CUX1: variants seen among roughly 807,000 people sequenced by gnomAD.
The protein encoded by CUX1 is protein CASP.
CUX1 carries 31 observed loss-of-function variants against 158.8 expected under a neutral mutation model. The observed-to-expected ratio is 0.20, with a 90% CI of 0.15 to 0.26. The LOEUF (loss-of-function observed/expected upper bound fraction) is 0.26. CUX1 is among the 10% of genes least tolerant of loss of function. CUX1 has a pLI of 1.00. For missense variants in CUX1, 1,589 were observed against 2,014.6 expected, an observed-to-expected ratio of 0.79 and a Z score of 4.04; for synonymous variants, 879 against 862.1, an observed-to-expected ratio of 1.02 and a Z score of -0.34.
intron 2 of CUX1, among the ~76,000 whole-genome samples, chr7:101,939,208 GC>G (rs1031300968): frequency 6.7e-6 from 1 of 148,254 alleles, no homozygotes; most frequent in African/African-American, 2.5e-5. Flanking sequence ...TCTGTTTTTT[GC>G]TGGCATCATT....
chr7:102,025,923 T>C (rs564517022), intron 2 of CUX1, among the ~76,000 whole-genome samples: 19 of 151,940 alleles, frequency 1.3e-4, no homozygotes, highest in Non-Finnish European at 1.3e-4. Context: ...ACACCTGTAA[T>C]CCTAGCACTG....
At chr7:102,237,339 C>T (rs1210526835) in intron 22 of CUX1, among the ~76,000 whole-genome samples, 1 of 151,940 alleles carries the variant, frequency 6.6e-6, no homozygotes, top group South Asian at 2.1e-4. Flanking sequence ...GTGATCCTCC[C>T]GTCCCAGCTA....
chr7:101,917,519 G>A (rs1253088749), intron 2 of CUX1, among the ~76,000 whole-genome samples: 2 of 152,110 alleles, frequency 1.3e-5, no homozygotes, highest in Non-Finnish European at 2.9e-5. Flanking sequence ...GGTGCTTGGG[G>A]GTTTCTGCCT....
chr7:102,171,573 G>A (rs1282202952), intron 10 of CUX1, among the ~76,000 whole-genome samples: 3 of 151,050 alleles, frequency 2.0e-5, no homozygotes, highest in South Asian at 2.1e-4. Flanking sequence ...TCAACCTCCC[G>A]AGTAGCTGGG....
At chr7:101,874,504 GC>G (rs1798909390) in intron 1 of CUX1, among the ~76,000 whole-genome samples, 1 of 152,208 alleles carries the variant, frequency 6.6e-6, no homozygotes, top group Non-Finnish European at 1.5e-5. Context: ...ATGGCGCATC[GC>G]CTTGGTGCCA....
At chr7:102,143,663 AT>A (rs1480785997) in intron 8 of CUX1, among the ~76,000 whole-genome samples, 1 of 152,070 alleles carries the variant, frequency 6.6e-6, no homozygotes, top group Admixed American at 6.6e-5. Flanking sequence ...CTTTGTATAC[AT>A]TTTTTTCCCC....
intron 9 of CUX1, among the ~76,000 whole-genome samples, chr7:102,167,698 G>A (rs1407776788): frequency 3.3e-5 from 5 of 152,194 alleles, no homozygotes; most frequent in East Asian, 1.9e-4. Context: ...GTGATTTGAC[G>A]TGATCATCAG....
At chr7:102,245,972 C>G (rs1346183742) in intron 23 of CUX1, among the ~76,000 whole-genome samples, 1 of 113,660 alleles carries the variant, frequency 8.8e-6, no homozygotes, top group African/African-American at 3.2e-5. Flanking sequence ...ACTCCCTTCT[C>G]AAAAAAAAAA....
At position 102,074,107 on chromosome 7, in the gene CUX1, G is replaced by A. The variant is rs374464594; in HGVS notation, c.268+3690G>A. ...TGGCTGAGGCTTACAGGAAGGGCCC[G>A]GTCAATAGTGATGATGCATTTACTG... On this transcript the variant is annotated intron_variant, in intron 4 of 23. Coordinates refer to ENST00000292535, the MANE Select transcript of CUX1 (RefSeq NM_181552.4). Among the ~76,000 whole-genome samples, 49 of 152,274 alleles carry A rather than the reference G, an allele frequency of 3.2e-4. No homozygotes were observed. The South Asian group carries it at 5.2e-3, about 16-fold the overall frequency.
intron 1 of CUX1, among the ~76,000 whole-genome samples, chr7:101,883,429 A>G (rs1799914261): frequency 6.6e-6 from 1 of 152,156 alleles, no homozygotes; most frequent in Non-Finnish European, 1.5e-5. Context: ...TTTAGTTCCT[A>G]AAGCTATTGC....
rs1320387840 is a variant in CUX1, at chr7:102,239,478, C to T, written c.3781C>T (p.Arg1261Ter). 1.9e-6 allele frequency: 3 copies of T among 1,614,034 alleles called. No homozygotes were observed. Among genetic ancestry groups the T allele is most frequent in the Non-Finnish European group, 2.5e-6 (3 of 1,180,002 alleles). ...LAPEEKEALK[R>*]AYQQKPYPSP... ...TCCGGAGGAGAAGGAGGCGCTGAAA[C>T]GAGCGTATCAGCAAAAGCCATACCC... The change falls in exon 23 of 24, where the codon CGA becomes TGA. Residue 1261 changes from arginine to a stop codon, truncating the protein, a stop_gained. Transcript: ENST00000292535. LOFTEE classifies it high-confidence loss of function.
chr7:102,030,715 T>G, intron 3 of CUX1, among the ~76,000 whole-genome samples: 1 of 89,144 alleles, frequency 1.1e-5, no homozygotes, highest in South Asian at 4.6e-4. Flanking sequence ...AGACAGGGTC[T>G]CGCTCGGTAA....
rs367840062 is a variant in CUX1 at position 102,202,065 on chromosome 7, C to G, written c.2768C>G (p.Thr923Ser). ...CCGATCGTGCCCATGTCCAAGCCCA[C>G]CAAGCCCTCGGTCCCCCCGCTGACC... is the stretch of plus-strand genomic sequence containing the variant. Reference protein sequence around the residue: ...SSPIVPMSKPTKPSVPPLTPE... With the variant: ...SSPIVPMSKPSKPSVPPLTPE... The change falls in exon 18 of 24, where the codon ACC (threonine) becomes AGC (serine). Residue 923 changes from threonine (T) to serine (S), a missense_variant. Coordinates refer to ENST00000292535, the MANE Select transcript of CUX1 (RefSeq NM_181552.4). 9.3e-6 allele frequency: 15 copies of G among 1,614,054 alleles called. No homozygotes were observed. The highest frequency in any genetic ancestry group is 8.9e-5 in the East Asian group (4 of 44,892).
At chr7:102,047,017 G>A (rs1822901873) in intron 3 of CUX1, among the ~76,000 whole-genome samples, 1 of 152,184 alleles carries the variant, frequency 6.6e-6, no homozygotes, top group Non-Finnish European at 1.5e-5. Flanking sequence ...TGACAGGGCT[G>A]TAACCCTGTC....
At chr7:101,944,883 A>G (rs1040568684) in intron 2 of CUX1, among the ~76,000 whole-genome samples, 1 of 152,140 alleles carries the variant, frequency 6.6e-6, no homozygotes, top group African/African-American at 2.4e-5. Flanking sequence ...TGCCGGGTTG[A>G]CCCCACTTGG....
At chr7:102,030,689 G>GTGTTTTTTTTTTTTTGTTTTTGTTTTT (rs1554459461) in intron 3 of CUX1, among the ~76,000 whole-genome samples, 11 of 82,538 alleles carry the variant, frequency 1.3e-4, no homozygotes, top group Non-Finnish European at 2.1e-4. Flanking sequence ...ATTTTAAAAA[G>GTGTTTTTTTTTTTTTGTTTTTGTTTTT]TGTTTTTTTT....
chr7:101,846,018 A>AG (rs1436726096), intron 1 of CUX1, among the ~76,000 whole-genome samples: 3 of 151,908 alleles, frequency 2.0e-5, no homozygotes, highest in Non-Finnish European at 2.9e-5. Context: ...AAAAAAAAAA[A>AG]GAAAAAATGC....
At chr7:101,824,315 C>G (rs2130943972) in intron 1 of CUX1, 1 of 152,444 alleles carries the variant, frequency 6.6e-6, no homozygotes, top group South Asian at 2.1e-4. Flanking sequence ...TTTCAAACTC[C>G]TGACCTCAAG....
intron 2 of CUX1, among the ~76,000 whole-genome samples, chr7:101,986,736 A>G (rs566719616): frequency 6.6e-6 from 1 of 152,288 alleles, no homozygotes; most frequent in South Asian, 2.1e-4. Flanking sequence ...GACCGTAAGG[A>G]CCATTGAGTT....
Sources: allele counts gnomAD v4.1 joint callset (sites outside exome capture counted in the v4.1 genomes callset), GRCh38; gene constraint gnomAD v4.1.1; transcripts MANE v1.5; gene names NCBI Gene and HGNC (gene_info 2026-07-23, HGNC 2026-07-21).